MBD5: variants seen among roughly 807,000 people sequenced by gnomAD.
MBD5 encodes the protein methyl-CpG-binding domain protein 5.
MBD5 carries 13 observed loss-of-function variants against 117.3 expected under a neutral mutation model. The observed-to-expected ratio is 0.11, with a 90% CI of 0.07 to 0.18. The LOEUF is 0.18. MBD5 is among the 10% of genes least tolerant of loss of function. The pLI is 1.00. For missense variants in MBD5, 1,879 were observed against 2,093.8 expected (o/e 0.90, Z 2.00); for synonymous variants, 727 against 766.4 (o/e 0.95, Z 0.85).
intron 11 of MBD5, among the ~76,000 whole-genome samples, chr2:148,493,521 A>G (rs1308372304): frequency 6.6e-6 from 1 of 152,224 alleles, no homozygotes; most frequent in Non-Finnish European, 1.5e-5. Context: ...TTTCAAAACA[A>G]GCTGGGTGCC....
chr2:148,095,264 AT>A (rs1171648487), intron 1 of MBD5, among the ~76,000 whole-genome samples: 3 of 152,132 alleles, frequency 2.0e-5, no homozygotes, highest in Non-Finnish European at 2.9e-5. Context: ...TTCAGATAAC[AT>A]TTTTTAAAGT....
chr2:148,222,538 T>C (rs1699715510), intron 2 of MBD5, among the ~76,000 whole-genome samples: 1 of 152,088 alleles, frequency 6.6e-6, no homozygotes, highest in Non-Finnish European at 1.5e-5. Flanking sequence ...GGATTCCATT[T>C]TTAGTTTCTT....
At chr2:148,096,148 A>G (rs1396195987) in intron 1 of MBD5, among the ~76,000 whole-genome samples, 1 of 152,208 alleles carries the variant, frequency 6.6e-6, no homozygotes, top group Non-Finnish European at 1.5e-5. Context: ...TTTATTAAGC[A>G]TTCTGGAAAA....
intron 1 of MBD5, among the ~76,000 whole-genome samples, chr2:148,052,975 AAAAAAAAG>A: frequency 6.7e-6 from 1 of 148,560 alleles, no homozygotes; most frequent in Non-Finnish European, 1.5e-5. Context: ...AAAAAAAAAA[AAAAAAAAG>A]AGAGAGACAA....
chr2:148,459,990 A>G (rs1272373870), intron 5 of MBD5, among the ~76,000 whole-genome samples: 2 of 152,166 alleles, frequency 1.3e-5, no homozygotes, highest in Non-Finnish European at 2.9e-5. Context: ...ATGGTAGATG[A>G]GATGAACAAG....
chr2:148,371,813 G>A (rs993038237), intron 4 of MBD5, among the ~76,000 whole-genome samples: 6 of 152,068 alleles, frequency 3.9e-5, no homozygotes, highest in African/African-American at 1.4e-4. Context: ...CATCAGTGTT[G>A]TGATTCTCTT....
At chr2:148,144,070 A>C (rs1029706469) in intron 1 of MBD5, among the ~76,000 whole-genome samples, 2 of 152,208 alleles carry the variant, frequency 1.3e-5, no homozygotes, top group Admixed American at 6.5e-5. Context: ...CCAACAGTGT[A>C]AAAGTGTTCC....
intron 11 of MBD5, among the ~76,000 whole-genome samples, chr2:148,493,152 C>G (rs149291318): frequency 1.2e-4 from 18 of 152,148 alleles, no homozygotes; most frequent in Non-Finnish European, 2.5e-4. Context: ...TTTCTCATTC[C>G]GCCTTGCTAA....
At chr2:148,464,948 T>A (rs1238696728) in intron 7 of MBD5, among the ~76,000 whole-genome samples, 1 of 151,650 alleles carries the variant, frequency 6.6e-6, no homozygotes, top group Non-Finnish European at 1.5e-5. Flanking sequence ...CCAACCTGAG[T>A]GATAGAGCAA....
chr2:148,410,298 A>G (rs11887387), intron 4 of MBD5, among the ~76,000 whole-genome samples: 38,417 of 152,108 alleles, frequency 0.25, 5,713 homozygotes, highest in African/African-American at 0.41. Flanking sequence ...TTCTAAGATT[A>G]AGCATCATTT....
At chr2:148,215,036 T>C (rs766455236) in intron 2 of MBD5, among the ~76,000 whole-genome samples, 3 of 152,216 alleles carry the variant, frequency 2.0e-5, no homozygotes, top group Admixed American at 6.5e-5. Context: ...CATATGTTAA[T>C]ATATCACTTA....
At chr2:148,073,832 G>A (rs557490719) in intron 1 of MBD5, among the ~76,000 whole-genome samples, 5 of 152,146 alleles carry the variant, frequency 3.3e-5, no homozygotes, top group African/African-American at 4.8e-5. Flanking sequence ...TCTATAGCAA[G>A]TGTTACTAAC....
At chr2:148,440,629 T>A (rs1407627294) in intron 4 of MBD5, among the ~76,000 whole-genome samples, 3 of 152,204 alleles carry the variant, frequency 2.0e-5, no homozygotes, top group Non-Finnish European at 2.9e-5. Context: ...AATGAGTAAT[T>A]AAACTTAAAG....
At chr2:148,155,073 A>G (rs2084578) in intron 1 of MBD5, among the ~76,000 whole-genome samples, 63,341 of 152,064 alleles carry the variant, frequency 0.42, 13,391 homozygotes, top group Middle Eastern at 0.54. Context: ...AGTGAAAGAG[A>G]CAAAGCAAAT....
At chr2:148,252,405 G>A (rs192118538) in intron 3 of MBD5, among the ~76,000 whole-genome samples, 12 of 152,208 alleles carry the variant, frequency 7.9e-5, no homozygotes, top group African/African-American at 2.2e-4. Context: ...AGGTTGCAGC[G>A]AACCCAGATC....
At chr2:148,327,332 G>C (rs915322494) in intron 3 of MBD5, among the ~76,000 whole-genome samples, 1 of 151,848 alleles carries the variant, frequency 6.6e-6, no homozygotes. Flanking sequence ...TGCTCTTCTC[G>C]AGGAGTATCT....
intron 1 of MBD5, among the ~76,000 whole-genome samples, chr2:148,141,041 G>A (rs1007880727): frequency 6.6e-6 from 1 of 152,072 alleles, no homozygotes; most frequent in Non-Finnish European, 1.5e-5. Context: ...CAAACTGCTG[G>A]GATTACAGGT....
At position 148,513,935 on chromosome 2, in the gene MBD5, C is replaced by T. The variant is rs1293801271; in HGVS notation, c.*994C>T. The T allele has an allele frequency of 1.3e-5, 2 of 152,016 alleles. No individual in the cohort carries two copies. The highest frequency in any genetic ancestry group is 6.6e-5 in the Admixed American group (1 of 15,264). 9.4% of individuals were successfully genotyped at this position (152,016 alleles called of 1,614,324 possible). A position where few individuals can be genotyped will look rare whatever the true frequency, so the allele number is the denominator to read the frequency against. On this transcript the variant is annotated 3_prime_UTR_variant, in exon 14 of 14. Coordinates refer to ENST00000642680, the MANE Select transcript of MBD5 (RefSeq NM_001378120.1). ...TATTTCCGTACATGGAGGCAAAAAC[C>T]CCACTTTGCAACCATTATCAGAGGT...
chr2:148,273,264 CA>C (rs1701026455), intron 3 of MBD5, among the ~76,000 whole-genome samples: 1 of 152,056 alleles, frequency 6.6e-6, no homozygotes, highest in Non-Finnish European at 1.5e-5. Context: ...AACTTTAAAA[CA>C]AAGATGATTA....
Sources: gnomAD v4.1 joint callset for allele counts (sites outside exome capture counted in the v4.1 genomes callset) on GRCh38, gnomAD v4.1.1 for gene constraint, MANE v1.5 for transcripts, NCBI Gene and HGNC (gene_info 2026-07-23, HGNC 2026-07-21) for gene names.